Variants in ARHGAP5 observed in about 807,000 individuals in gnomAD.
ARHGAP5 encodes the protein rho GTPase-activating protein 5.
ARHGAP5 carries 23 observed loss-of-function variants against 116.6 expected under a neutral mutation model. That is an observed-to-expected ratio of 0.20 (90% CI 0.14 to 0.28). The LOEUF (loss-of-function observed/expected upper bound fraction) is 0.28, where lower values mean the gene tolerates loss of function less well. ARHGAP5 is among the 10% of genes least tolerant of loss of function. The pLI is 1.00. For missense variants in ARHGAP5, 1,405 were observed against 1,774.8 expected, an observed-to-expected ratio of 0.79 and a Z score of 3.74; for synonymous variants, 574 against 602.0, an observed-to-expected ratio of 0.95 and a Z score of 0.68.
At position 32,108,229 on chromosome 14, in the gene ARHGAP5, G is replaced by A. The variant is rs542927800; in HGVS notation, c.3718-8911G>A. On this transcript the variant is annotated intron_variant, in intron 2 of 6. Transcript: ENST00000345122. ...ATGTAGATGACATTCAAGAAGTTTC[G>A]CTGTGAAAGGGAGCAAGAATTGGGG... 8.5e-5 allele frequency among the ~76,000 whole-genome samples: 13 copies of A among 152,228 alleles called. 1 individual carries two copies. The highest frequency in any genetic ancestry group is 2.6e-4 in the African/African-American group (11 of 41,540).
At chr14:32,102,072 C>G (rs1878818578) in intron 2 of ARHGAP5, among the ~76,000 whole-genome samples, 1 of 152,158 alleles carries the variant, frequency 6.6e-6, no homozygotes, top group Non-Finnish European at 1.5e-5. Flanking sequence ...ATTCTTTATT[C>G]AACAAAGTCT....
At chr14:32,088,810 A>C (rs1015603307) in intron 1 of ARHGAP5, among the ~76,000 whole-genome samples, 3 of 152,006 alleles carry the variant, frequency 2.0e-5, no homozygotes, top group African/African-American at 4.8e-5. Flanking sequence ...AAGAACTGGA[A>C]CTAATATTTA....
chr14:32,092,797 A>C lies in ARHGAP5; in HGVS notation c.2128A>C (p.Asn710His). 6.2e-7 allele frequency: 1 copy of C among 1,614,064 alleles called. No homozygotes were observed. The highest frequency in any genetic ancestry group is 8.5e-7 in the Non-Finnish European group (1 of 1,179,928). Residue 710 changes from asparagine (N) to histidine (H), a missense_variant, in exon 2 of 7, where the codon AAT becomes CAT. Physicochemically the swap from Asn to His is moderately conservative, Grantham distance 68 (BLOSUM62 1). This residue lies in a region of ARHGAP5 where 944 missense variants were observed against 1,095.3 expected (regional missense o/e 0.86). Coordinates refer to ENST00000345122, the MANE Select transcript of ARHGAP5 (RefSeq NM_001030055.2). This position sits in a 1 kb window ranked among gnomAD's most constrained non-coding sequence, Gnocchi z 4.1. ...LANQRDSISK[N>H]LPILRHQGQQ... The stretch of plus-strand genomic sequence containing the variant: ...TAATCAGAGAGATTCCATTAGTAAG[A>C]ATCTACCAATTCTCAGGCACCAAGG...
In ARHGAP5 at chr14:32,159,006, G is replaced by A. The variant is rs1252407341; in HGVS notation, c.*4058G>A. ...ACTATATGAGTTTTCTTTGTCAGGGGGAGAGGAGTGGGAAGAGTCACAGAA... is the reference window on the plus strand; with the variant it reads ...ACTATATGAGTTTTCTTTGTCAGGGAGAGAGGAGTGGGAAGAGTCACAGAA... On this transcript the variant is annotated 3_prime_UTR_variant, in exon 7 of 7. Transcript: ENST00000345122. 6.6e-6 allele frequency: 1 copy of A among 151,962 alleles called. No individual in the cohort carries two copies. The highest frequency in any genetic ancestry group is 6.6e-5 in the Admixed American group (1 of 15,254). 9.4% of individuals were successfully genotyped at this position (151,962 alleles called of 1,614,324 possible). A position where few individuals can be genotyped will look rare whatever the true frequency, so the allele number is the denominator to read the frequency against.
chr14:32,087,361 T>C (rs2041839627), intron 1 of ARHGAP5, among the ~76,000 whole-genome samples: 1 of 152,032 alleles, frequency 6.6e-6, no homozygotes. Context: ...TGAGATCTTT[T>C]GTCCATTGAG....
chr14:32,077,827 C>T (rs2041725013), intron 1 of ARHGAP5, among the ~76,000 whole-genome samples: 1 of 151,958 alleles, frequency 6.6e-6, no homozygotes, highest in African/African-American at 2.4e-5. Flanking sequence ...GTCCGTTGGC[C>T]GGGTTGCTGC....
chr14:32,129,959 G>C (rs2139099297), intron 3 of ARHGAP5, among the ~76,000 whole-genome samples: 1 of 152,150 alleles, frequency 6.6e-6, no homozygotes, highest in Admixed American at 6.5e-5. Context: ...CAGTACTTTT[G>C]GGAAGCCAAG....
At chr14:32,128,898 T>G (rs1880332432) in intron 3 of ARHGAP5, among the ~76,000 whole-genome samples, 1 of 152,244 alleles carries the variant, frequency 6.6e-6, no homozygotes. Context: ...GAAGTGTTTC[T>G]ACTTTTAGAA....
rs1566688005 is a variant in ARHGAP5 at position 32,154,758 on chromosome 14, CA to C, written c.4320del (p.Phe1441SerfsTer15). The stretch of plus-strand genomic sequence containing the variant: ...AAGATTCATCAATCTGTTGTTGAAA[CA>C]TTCATTCAGCAGTGTCAGTTTTTCT... ...TTKIHQSVVE[T>X]FIQQCQFFFY... On this transcript the variant is annotated frameshift_variant, in exon 7 of 7. Transcript: ENST00000345122. LOFTEE classifies it high-confidence loss of function. 1 of 1,614,150 alleles carries C rather than the reference CA, an allele frequency of 6.2e-7. No homozygotes were observed. The highest frequency in any genetic ancestry group is 1.3e-5 in the African/African-American group (1 of 75,042).
chr14:32,144,366 GTTA>G (rs200701536), intron 3 of ARHGAP5, among the ~76,000 whole-genome samples: 52 of 151,466 alleles, frequency 3.4e-4, no homozygotes, highest in African/African-American at 1.0e-3. Flanking sequence ...TTCAAGTTCA[GTTA>G]TTATTATTAT....
At chr14:32,079,621 T>G (rs2041752157) in intron 1 of ARHGAP5, among the ~76,000 whole-genome samples, 1 of 152,180 alleles carries the variant, frequency 6.6e-6, no homozygotes, top group Admixed American at 6.5e-5. Flanking sequence ...CGATAATAAG[T>G]TTTCTAACTC....
chr14:32,139,522 C>G (rs1049922963), intron 3 of ARHGAP5, among the ~76,000 whole-genome samples: 1 of 151,794 alleles, frequency 6.6e-6, no homozygotes, highest in East Asian at 1.9e-4. Flanking sequence ...CTCTTGTAAC[C>G]CTTTTTATCT....
chr14:32,098,402 G>C (rs899319011), intron 2 of ARHGAP5, among the ~76,000 whole-genome samples: 8 of 152,278 alleles, frequency 5.3e-5, no homozygotes, highest in Admixed American at 5.2e-4. Context: ...GTGAGGAAAG[G>C]CCTTCTTGAA....
chr14:32,105,989 G>A (rs150899263), intron 2 of ARHGAP5, among the ~76,000 whole-genome samples: 71 of 152,278 alleles, frequency 4.7e-4, no homozygotes, highest in African/African-American at 1.5e-3. Context: ...CCATAATATG[G>A]ATACATCAGT....
At chr14:32,122,453 T>C (rs1423526140) in intron 3 of ARHGAP5, among the ~76,000 whole-genome samples, 1 of 152,236 alleles carries the variant, frequency 6.6e-6, no homozygotes, top group Non-Finnish European at 1.5e-5. Context: ...TTCTCCATTC[T>C]GTGGGTCATT....
intron 3 of ARHGAP5, among the ~76,000 whole-genome samples, chr14:32,125,331 A>G (rs1169876177): frequency 6.6e-6 from 1 of 152,162 alleles, no homozygotes; most frequent in Non-Finnish European, 1.5e-5. Flanking sequence ...AACATGTATC[A>G]TTATGTGTAT....
chr14:32,128,376 T>C (rs1880298985), intron 3 of ARHGAP5, among the ~76,000 whole-genome samples: 1 of 152,230 alleles, frequency 6.6e-6, no homozygotes. Context: ...GCCACTGCAC[T>C]CCAGCATGGG....
chr14:32,159,495 T>G lies in ARHGAP5; in HGVS notation c.*4547T>G, dbSNP rs1318019620. 1 of 152,192 alleles carries G rather than the reference T, an allele frequency of 6.6e-6. No homozygotes were observed. Among genetic ancestry groups the G allele is most frequent in the Non-Finnish European group, 1.5e-5 (1 of 68,010 alleles). 9.4% of individuals were successfully genotyped at this position (152,192 alleles called of 1,614,324 possible). A position where few individuals can be genotyped will look rare whatever the true frequency, so the allele number is the denominator to read the frequency against. Reference sequence around the variant, plus strand: ...TTTAGTAATTGACCTATTTATTCATTGCTTCACTAATTCATCCAGATTAGT... The same window carrying G: ...TTTAGTAATTGACCTATTTATTCATGGCTTCACTAATTCATCCAGATTAGT... On this transcript the variant is annotated 3_prime_UTR_variant, in exon 7 of 7. Transcript: ENST00000345122.
intron 3 of ARHGAP5, among the ~76,000 whole-genome samples, chr14:32,141,715 T>G (rs185351108): frequency 2.6e-5 from 4 of 152,294 alleles, no homozygotes; most frequent in South Asian, 2.1e-4. Flanking sequence ...CTCTCTCAAC[T>G]TTCGTTTATC....
Sources: allele counts gnomAD v4.1 joint callset (sites outside exome capture counted in the v4.1 genomes callset), GRCh38; gene constraint gnomAD v4.1.1; regional missense constraint gnomAD v4.1.1; non-coding constraint Gnocchi (gnomAD v3.1); transcripts MANE v1.5; gene names NCBI Gene and HGNC (gene_info 2026-07-23, HGNC 2026-07-21).